The following KMO variants were observed in gnomAD, a reference collection of about 807,000 sequenced individuals.
KMO encodes kynurenine 3-monooxygenase.
KMO carries 24 observed loss-of-function variants against 57.8 expected under a neutral mutation model. The observed-to-expected ratio is 0.42, with a 90% CI of 0.30 to 0.58. KMO has a LOEUF of 0.58. Among genes scored for constraint, KMO ranks in the 20% least tolerant of loss-of-function variants. KMO has a pLI of 0.22. For synonymous variants in KMO, 210 were observed against 193.6 expected (o/e 1.08, Z -0.70); for missense variants, 483 against 588.2 (o/e 0.82, Z 1.85).
chr1:241,590,801 G>T (rs895677572), intron 14 of KMO, among the ~76,000 whole-genome samples: 1 of 152,196 alleles, frequency 6.6e-6, no homozygotes, highest in Admixed American at 6.5e-5. Flanking sequence ...AACATGACCA[G>T]TTCACACCTT....
At chr1:241,546,083 T>C (rs1661137819) in intron 1 of KMO, among the ~76,000 whole-genome samples, 1 of 152,126 alleles carries the variant, frequency 6.6e-6, no homozygotes, top group East Asian at 1.9e-4. Context: ...CAATCAAAAA[T>C]TAATGCAATC....
rs149135397 is a variant in KMO at position 241,574,289 on chromosome 1, G to A, written c.957+5642G>A. Among the ~76,000 whole-genome samples the A allele has an allele frequency of 5.9e-5, 9 of 152,040 alleles. No individual in the cohort carries two copies. In the East Asian group the frequency reaches 1.7e-3, roughly 29 times the overall value. On this transcript the variant is annotated intron_variant, in intron 10 of 14. Transcript: ENST00000366559. ...TTCTCCTGCCTGATTACTTTCTCTAGGACTTCCAGAACTATGTTGAATAAA... is the reference window on the plus strand; with the variant it reads ...TTCTCCTGCCTGATTACTTTCTCTAAGACTTCCAGAACTATGTTGAATAAA...
intron 1 of KMO, among the ~76,000 whole-genome samples, chr1:241,533,303 T>G (rs557957632): frequency 6.6e-6 from 1 of 152,350 alleles, no homozygotes; most frequent in East Asian, 1.9e-4. Context: ...GTCAAATCAT[T>G]TGGAGACTTT....
In KMO at chr1:241,594,717, A is replaced by G. The variant is rs1663445884; in HGVS notation, c.*2564A>G. ...CTGGGCAGAGAAAAAATAAAGTGGAATATTAAGTAAAAGTTGGGCACTAAT... is the reference window on the plus strand; with the variant it reads ...CTGGGCAGAGAAAAAATAAAGTGGAGTATTAAGTAAAAGTTGGGCACTAAT... On this transcript the variant is annotated 3_prime_UTR_variant, in exon 15 of 15. Transcript: ENST00000366559. 1.2e-6 allele frequency: 2 copies of G among 1,601,790 alleles called. No individual in the cohort carries two copies.
intron 10 of KMO, among the ~76,000 whole-genome samples, chr1:241,569,182 CCTCT>C (rs930208884): frequency 6.6e-6 from 1 of 151,976 alleles, no homozygotes; most frequent in South Asian, 2.1e-4. Flanking sequence ...ACCCCAAATT[CCTCT>C]CTTTTAGTGA....
rs1333775206 is a variant in KMO, at chr1:241,591,958, A to T, written c.1266A>T (p.Ile422=). The T allele has an allele frequency of 6.2e-7, 1 of 1,613,292 alleles. No individual in the cohort carries two copies. The highest frequency in any genetic ancestry group is 1.1e-5 in the South Asian group (1 of 91,052). ...GAGTTCTTGCTGTCTTACAGGTGAT[A>T]AACAAAGGACTCTTTTTCTTGGGAT... ...VQRWHWQKKV[I]NKGLFFLGSL... is the part of the protein sequence containing the mutation. Residue 422 remains isoleucine, a synonymous_variant, in exon 15 of 15, where the codon ATA becomes ATT. Coordinates refer to ENST00000366559, the MANE Select transcript of KMO (RefSeq NM_003679.5).
intron 10 of KMO, among the ~76,000 whole-genome samples, chr1:241,569,246 T>C (rs1662190725): frequency 6.6e-6 from 1 of 152,118 alleles, no homozygotes; most frequent in South Asian, 2.1e-4. Flanking sequence ...CCTATTGTGA[T>C]GCCAAATACT....
In KMO at chr1:241,592,044, TC is replaced by T. The variant is rs1413711653; in HGVS notation, c.1354del (p.Arg452AlafsTer2). 1 of 1,613,838 alleles carries T rather than the reference TC, an allele frequency of 6.2e-7. No homozygotes were observed. The highest frequency in any genetic ancestry group is 1.3e-5 in the African/African-American group (1 of 74,880). ...CACTACATGTCACCACGATCTTTCC[TC>T]CGCTTGAGAAGACCATGGAACTGGA... is the stretch of plus-strand genomic sequence containing the variant. ...LIHYMSPRSFLRLRRPWNWIA... is the reference protein window; with the variant it reads ...LIHYMSPRSFXRLRRPWNWIA... On this transcript the variant is annotated frameshift_variant, in exon 15 of 15. Transcript: ENST00000366559. LOFTEE classifies it low-confidence loss of function (END_TRUNC).
chr1:241,563,004 T>G lies in KMO; in HGVS notation c.615+672T>G, dbSNP rs535937598. 4.6e-5 allele frequency among the ~76,000 whole-genome samples: 7 copies of G among 152,228 alleles called. No homozygotes were observed. The South Asian group carries it at 1.5e-3, about 32-fold the overall frequency. Reference sequence around the variant, plus strand: ...CCTCTTACTGGAAACACATAAAGGATTTAAATAATATCGTTTGTCTATGTT... The same window carrying G: ...CCTCTTACTGGAAACACATAAAGGAGTTAAATAATATCGTTTGTCTATGTT... On this transcript the variant is annotated intron_variant, in intron 7 of 14. Transcript: ENST00000366559.
At chr1:241,565,645 G>T (rs545137018) in intron 8 of KMO, among the ~76,000 whole-genome samples, 1 of 150,968 alleles carries the variant, frequency 6.6e-6, no homozygotes, top group South Asian at 2.1e-4. Flanking sequence ...GATTGCTTGA[G>T]CCCCGAAGAT....
intron 1 of KMO, among the ~76,000 whole-genome samples, chr1:241,540,119 T>A (rs907277898): frequency 2.6e-5 from 4 of 152,198 alleles, no homozygotes; most frequent in African/African-American, 7.2e-5. Context: ...ATATCATGTA[T>A]TTTATATACA....
chr1:241,545,824 A>T (rs12076929), intron 1 of KMO, among the ~76,000 whole-genome samples: 46,347 of 151,926 alleles, frequency 0.31, 7,937 homozygotes, highest in Non-Finnish European at 0.39. Context: ...GGAGGATGAA[A>T]GGAAGTTTAC....
chr1:241,549,160 C>T (rs986708434), intron 2 of KMO, among the ~76,000 whole-genome samples: 5 of 137,298 alleles, frequency 3.6e-5, no homozygotes, highest in African/African-American at 1.1e-4. Context: ...AAGGGCAAGA[C>T]CCAAAGAAAG....
chr1:241,551,318 C>G (rs1210828924), intron 4 of KMO, among the ~76,000 whole-genome samples: 1 of 152,172 alleles, frequency 6.6e-6, no homozygotes, highest in East Asian at 1.9e-4. Flanking sequence ...CCTGGGACAG[C>G]CTTTCCTTCT....
At chr1:241,568,411 G>T in intron 9 of KMO, 89 bp from the exon 10 acceptor site, 1 of 1,297,450 alleles carries the variant, frequency 7.7e-7, no homozygotes, top group Non-Finnish European at 1.1e-6. Context: ...ACAAAACTTC[G>T]TGATAGTTAA....
rs1053230 is a variant in KMO at position 241,592,046 on chromosome 1, C to T, written c.1354C>T (p.Arg452Cys). 0.2 allele frequency: 328,834 copies of T among 1,613,322 alleles called. 35,744 individuals are homozygous for T. The highest frequency in any genetic ancestry group is 0.22 in the Non-Finnish European group (265,145 of 1,179,482). Residue 452 changes from arginine to cysteine, a missense_variant, in exon 15 of 15, where the codon CGC becomes TGC. Coordinates refer to ENST00000366559, the MANE Select transcript of KMO (RefSeq NM_003679.5). ...IHYMSPRSFLRLRRPWNWIAH... is the reference protein window; with the variant it reads ...IHYMSPRSFLCLRRPWNWIAH... ...CTACATGTCACCACGATCTTTCCTCCGCTTGAGAAGACCATGGAACTGGAT... is the reference window on the plus strand; with the variant it reads ...CTACATGTCACCACGATCTTTCCTCTGCTTGAGAAGACCATGGAACTGGAT...
intron 10 of KMO, among the ~76,000 whole-genome samples, chr1:241,585,181 A>T (rs1364959971): frequency 6.6e-6 from 1 of 152,100 alleles, no homozygotes; most frequent in Non-Finnish European, 1.5e-5. Flanking sequence ...GTGAGCCGAG[A>T]TTGTGCCACT....
At chr1:241,555,824 A>C in intron 5 of KMO, 164 bp downstream of exon 5, 3 of 482,982 alleles carry the variant, frequency 6.2e-6, no homozygotes, top group African/African-American at 2.0e-5. Context: ...CTGATAGCTC[A>C]TGCCTGTAAT....
chr1:241,556,219 G>A (rs1661617819), intron 5 of KMO, among the ~76,000 whole-genome samples: 2 of 152,216 alleles, frequency 1.3e-5, no homozygotes, highest in Non-Finnish European at 1.5e-5. Flanking sequence ...CTGTAACTTC[G>A]AAATCCTGTG....
Sources: gnomAD v4.1 joint callset for allele counts (sites outside exome capture counted in the v4.1 genomes callset) on GRCh38, gnomAD v4.1.1 for gene constraint, MANE v1.5 for transcripts, NCBI Gene and HGNC (gene_info 2026-07-23, HGNC 2026-07-21) for gene names.